Variants in PAX4 observed in about 807,000 individuals in gnomAD.
PAX4 encodes paired box protein Pax-4.
Under a neutral mutation model 40.6 loss-of-function variants are expected in PAX4, and 33 were observed. That is an observed-to-expected ratio of 0.81 (90% CI 0.62 to 1.09). The LOEUF is 1.09. PAX4 is among the 50% of genes least tolerant of loss of function. The probability of loss-of-function intolerance (pLI) is 0.00; values close to 1 mark genes in which losing one functional copy is unlikely to be tolerated. For synonymous variants in PAX4, 174 were observed against 170.6 expected, an observed-to-expected ratio of 1.02 and a Z score of -0.16; for missense variants, 459 against 442.5, an observed-to-expected ratio of 1.04 and a Z score of -0.33.
At position 127,612,980 on chromosome 7, in the gene PAX4, G is replaced by A; in HGVS notation, c.715+42C>T. On this transcript the variant is annotated intron_variant, in intron 9 of 11. Coordinates refer to ENST00000639438, the MANE Select transcript of PAX4 (RefSeq NM_001366110.1). The stretch of plus-strand genomic sequence containing the variant: ...GGATGGATGGATGGATGGATGGATA[G>A]ATGACTGAGCGGGCAGATGGATGAT... The A allele has an allele frequency of 2.1e-6, 3 of 1,449,386 alleles. No homozygotes were observed. In the East Asian group the frequency reaches 6.8e-5, roughly 33 times the overall value. The allele number at this position is 1,449,386 out of a possible 1,614,324, so 89.8% of individuals were successfully genotyped here.
intron 11 of PAX4, 84 bp downstream of exon 11, chr7:127,611,451 A>G: frequency 6.2e-7 from 1 of 1,606,070 alleles, no homozygotes. Flanking sequence ...GATGACCCCC[A>G]ATGGAGATCC....
At position 127,614,406 on chromosome 7, in the gene PAX4, C is replaced by T. The variant is rs537972; in HGVS notation, c.436+76G>A. On this transcript the variant is annotated intron_variant, in intron 6 of 11. Coordinates refer to ENST00000639438, the MANE Select transcript of PAX4 (RefSeq NM_001366110.1). ...GTTGTGAGGGTGATCCAAGAAAGAA[C>T]GAGAAAGGGCTTTGAGAACTATAAA... The T allele has an allele frequency of 0.014, 16,731 of 1,204,062 alleles. 1,060 individuals carry two copies. The African/African-American group carries it at 0.17, about 12-fold the overall frequency. The allele number at this position is 1,204,062 out of a possible 1,614,324, so 74.6% of individuals were successfully genotyped here.
chr7:127,611,594 G>A lies in PAX4; in HGVS notation c.854C>T (p.Thr285Ile). 1 of 1,613,878 alleles carries A rather than the reference G, an allele frequency of 6.2e-7. No homozygotes were observed. The highest frequency in any genetic ancestry group is 1.3e-5 in the African/African-American group (1 of 75,000). ...GPSCYQLCWATAPERCLSDTP... is the reference protein window; with the variant it reads ...GPSCYQLCWAIAPERCLSDTP... ...GTCACTCAGACACCTTTCTGGTGCT[G>A]TTGCCCAGCACAGCTGATAGCAGGA... Residue 285 changes from threonine (T) to isoleucine (I), a missense_variant, in exon 11 of 12, where the codon ACA (threonine) becomes ATA (isoleucine). Transcript: ENST00000639438.
chr7:127,615,153 G>T, intron 4 of PAX4, 58 bp from the exon 5 acceptor site: 2 of 1,613,218 alleles, frequency 1.2e-6, no homozygotes, highest in South Asian at 1.1e-5. Flanking sequence ...GAAGGAGAGT[G>T]TCCCTGGGAC....
At chr7:127,614,381 G>A in intron 6 of PAX4, 101 bp downstream of exon 6, 1 of 911,734 alleles carries the variant, frequency 1.1e-6, no homozygotes, top group South Asian at 1.4e-5. Context: ...TTATTGGGTT[G>A]TTGTGAGGGT....
In PAX4 at chr7:127,611,343, G is replaced by A. The variant is rs1347513401; in HGVS notation, c.914-137C>T. Reference sequence around the variant, plus strand: ...AATCCCAGTCTCACATCCTTTACCTGCTATGGCTGTCAGTGATACCATAGA... The same window carrying A: ...AATCCCAGTCTCACATCCTTTACCTACTATGGCTGTCAGTGATACCATAGA... On this transcript the variant is annotated intron_variant, in intron 11 of 11. Transcript: ENST00000639438. 6.0e-6 allele frequency: 8 copies of A among 1,327,924 alleles called. No individual in the cohort carries two copies. In the African/African-American group the frequency reaches 7.2e-5, roughly 12 times the overall value. The allele number at this position is 1,327,924 out of a possible 1,614,324, so 82.3% of individuals were successfully genotyped here.
At position 127,610,854 on chromosome 7, in the gene PAX4, A is replaced by G. The variant is rs1794611353; in HGVS notation, c.*210T>C. On this transcript the variant is annotated 3_prime_UTR_variant, in exon 12 of 12. Coordinates refer to ENST00000639438, the MANE Select transcript of PAX4 (RefSeq NM_001366110.1). ...TGCTGAGTGGAGGCCTCTTAAGGCT[A>G]GTGTGAGAAGTGGGTGGGTGTTGCT... 5 of 1,537,396 alleles carry G rather than the reference A, an allele frequency of 3.3e-6. No individual in the cohort carries two copies. Among genetic ancestry groups the G allele is most frequent in the Non-Finnish European group, 4.4e-6 (5 of 1,146,446 alleles).
At chr7:127,612,881 G>A in intron 9 of PAX4, 141 bp downstream of exon 9, 1 of 698,226 alleles carries the variant, frequency 1.4e-6, no homozygotes, top group Non-Finnish European at 2.6e-6. Flanking sequence ...TAGATGAATG[G>A]ATGAATGGAT....
In PAX4 at chr7:127,610,617, T is replaced by C. The variant is rs1794606186; in HGVS notation, c.*447A>G. Reference sequence around the variant, plus strand: ...CATAATACACATATAGATGCATACATAGAGTAGGTAAATTGATGCATTGAC... The same window carrying C: ...CATAATACACATATAGATGCATACACAGAGTAGGTAAATTGATGCATTGAC... On this transcript the variant is annotated 3_prime_UTR_variant, in exon 12 of 12. Transcript: ENST00000639438. 1.9e-6 allele frequency: 1 copy of C among 536,720 alleles called. No individual in the cohort carries two copies. Among genetic ancestry groups the C allele is most frequent in the African/African-American group, 1.9e-5 (1 of 52,410 alleles). 33.2% of individuals were successfully genotyped at this position (536,720 alleles called of 1,614,324 possible).
At chr7:127,611,437 CT>C (rs1289732389) in intron 11 of PAX4, 97 bp downstream of exon 11, 3 of 1,595,934 alleles carry the variant, frequency 1.9e-6, no homozygotes, top group African/African-American at 2.7e-5. Flanking sequence ...ATTGAGATTC[CT>C]TTGATGACCC....
At chr7:127,612,547 G>T (rs557217651) in intron 9 of PAX4, among the ~76,000 whole-genome samples, 1 of 150,892 alleles carries the variant, frequency 6.6e-6, no homozygotes, top group African/African-American at 2.4e-5. Flanking sequence ...GAGCAGATGG[G>T]TGGGTGACTG....
chr7:127,616,057 G>A, intron 2 of PAX4, 30 bp from the exon 3 acceptor site: 1 of 1,123,746 alleles, frequency 8.9e-7, no homozygotes, highest in Non-Finnish European at 1.3e-6. Flanking sequence ...TTTGGGTGAG[G>A]TCTTTTGCTT....
In PAX4 at chr7:127,610,634, T is replaced by C. The variant is rs1187279491; in HGVS notation, c.*430A>G. The C allele has an allele frequency of 1.7e-6, 1 of 575,696 alleles. No individual in the cohort carries two copies. Among genetic ancestry groups the C allele is most frequent in the Non-Finnish European group, 3.1e-6 (1 of 322,004 alleles). The allele number at this position is 575,696 out of a possible 1,614,324, so 35.7% of individuals were successfully genotyped here. On this transcript the variant is annotated 3_prime_UTR_variant, in exon 12 of 12. Transcript: ENST00000639438. ...TGCATACATAGAGTAGGTAAATTGA[T>C]GCATTGACAAATACATTGTTTAGAT...
chr7:127,612,072 A>C, intron 9 of PAX4, 72 bp from the exon 10 acceptor site: 2 of 1,454,618 alleles, frequency 1.4e-6, no homozygotes, highest in Non-Finnish European at 1.9e-6. Context: ...GGTGAGAGGC[A>C]GGAAGGTTGG....
chr7:127,614,084 T>C (rs929460936), intron 6 of PAX4, among the ~76,000 whole-genome samples: 2 of 152,014 alleles, frequency 1.3e-5, no homozygotes, highest in South Asian at 4.1e-4. Context: ...GGGTGCATGC[T>C]TAATGTGCAA....
Position 127,614,881 on chromosome 7 carries a change from C to A in PAX4, c.359G>T (p.Ser120Ile). 2 of 1,613,994 alleles carry A rather than the reference C, an allele frequency of 1.2e-6. No homozygotes were observed. The highest frequency in any genetic ancestry group is 8.5e-7 in the Non-Finnish European group (1 of 1,179,952). ...EGLCTQDKTP[S>I]VSSINRVLRA... The stretch of plus-strand genomic sequence containing the variant: ...GTGTGGGGAGGGAAGGGTACTTACA[C>A]TGGGAGTCTTGTCCTGGGTGCAAAG... The change falls in exon 5 of 12, where the codon AGT becomes ATT. Residue 120 changes from serine (S) to isoleucine (I), a missense_variant and splice_region_variant. Ser to Ile is a moderately radical substitution (Grantham distance 142). Transcript: ENST00000639438.
At chr7:127,616,740 A>G (rs1260534287) in intron 2 of PAX4, among the ~76,000 whole-genome samples, 1 of 152,242 alleles carries the variant, frequency 6.6e-6, no homozygotes, top group Non-Finnish European at 1.5e-5. Flanking sequence ...CTTCAATTTC[A>G]GAGACGATGT....
intron 9 of PAX4, 126 bp from the exon 10 acceptor site, chr7:127,612,126 G>T: frequency 2.4e-6 from 2 of 840,098 alleles, no homozygotes; most frequent in Non-Finnish European, 3.9e-6. Context: ...TTGCAGGGGT[G>T]TGAAGAGATG....
chr7:127,611,608 C>T lies in PAX4; in HGVS notation c.840G>A (p.Gln280=). The T allele has an allele frequency of 1.9e-6, 3 of 1,613,810 alleles. No individual in the cohort carries two copies. Among genetic ancestry groups the T allele is most frequent in the African/African-American group, 1.3e-5 (1 of 74,960 alleles). The change falls in exon 11 of 12, where the codon CAG becomes CAA. Residue 280 remains glutamine, a synonymous_variant. Coordinates refer to ENST00000639438, the MANE Select transcript of PAX4 (RefSeq NM_001366110.1). ...TTTCTGGTGCTGTTGCCCAGCACAG[C>T]TGATAGCAGGAGGGACCCAGTGGTT... is the stretch of plus-strand genomic sequence containing the variant. ...ALEPLGPSCY[Q]LCWATAPERC...
Sources: allele counts gnomAD v4.1 joint callset (sites outside exome capture counted in the v4.1 genomes callset), GRCh38; gene constraint gnomAD v4.1.1; transcripts MANE v1.5; gene names NCBI Gene and HGNC (gene_info 2026-07-23, HGNC 2026-07-21).